The following CATSPERT variants were observed in gnomAD, a reference collection of about 807,000 sequenced individuals.
CATSPERT encodes the protein catsper channel auxiliary subunit tau.
chr2:201,586,809 A>T, the CATSPERT span, among the ~76,000 whole-genome samples: 1 of 151,962 alleles, frequency 6.6e-6, no homozygotes, highest in Non-Finnish European at 1.5e-5. Context: ...GTATTGTTAC[A>T]TTTCTTTAAC....
At chr2:201,613,529 C>G in the CATSPERT span, among the ~76,000 whole-genome samples, 1 of 152,132 alleles carries the variant, frequency 6.6e-6, no homozygotes, top group Non-Finnish European at 1.5e-5. Context: ...GAAAGGACAT[C>G]CACACCAAAA....
chr2:201,575,754 T>C, the CATSPERT span, among the ~76,000 whole-genome samples: 1 of 152,142 alleles, frequency 6.6e-6, no homozygotes, highest in Non-Finnish European at 1.5e-5. Flanking sequence ...TCTGATGAGT[T>C]GTATAATTAT....
chr2:201,536,238 G>A, the CATSPERT span: 2 of 1,613,346 alleles, frequency 1.2e-6, no homozygotes, highest in South Asian at 1.1e-5. Flanking sequence ...ATCATTTTTA[G>A]AAGCATCAGC....
chr2:201,571,029 A>C, the CATSPERT span, among the ~76,000 whole-genome samples: 2 of 152,208 alleles, frequency 1.3e-5, no homozygotes, highest in South Asian at 4.1e-4. Context: ...CATAGTAATT[A>C]TTTTTTATGT....
chr2:201,567,524 C>T, the CATSPERT span, among the ~76,000 whole-genome samples: 1 of 152,118 alleles, frequency 6.6e-6, no homozygotes, highest in East Asian at 1.9e-4. Context: ...GTTCAAAGGC[C>T]TGAGAATCAG....
chr2:201,514,392 T>C, the CATSPERT span, among the ~76,000 whole-genome samples: 2 of 152,162 alleles, frequency 1.3e-5, no homozygotes, highest in Admixed American at 1.3e-4. Context: ...AATAAAAATA[T>C]CTGTGCATTA....
chr2:201,530,671 C>CA, the CATSPERT span, among the ~76,000 whole-genome samples: 10 of 152,116 alleles, frequency 6.6e-5, no homozygotes, highest in Non-Finnish European at 1.3e-4. Context: ...TCACATATAT[C>CA]ACTCTCTGCC....
At chr2:201,503,865 T>C in the CATSPERT span, among the ~76,000 whole-genome samples, 1 of 152,216 alleles carries the variant, frequency 6.6e-6, no homozygotes, top group Non-Finnish European at 1.5e-5. Context: ...GAAGGTTGTC[T>C]AGAGAAACTT....
chr2:201,544,054 T>C, the CATSPERT span, among the ~76,000 whole-genome samples: 23 of 152,160 alleles, frequency 1.5e-4, no homozygotes, highest in Non-Finnish European at 2.6e-4. Flanking sequence ...TTCCCCTTCC[T>C]GTGTCCAAGT....
At chr2:201,584,689 A>G in the CATSPERT span, among the ~76,000 whole-genome samples, 1 of 152,106 alleles carries the variant, frequency 6.6e-6, no homozygotes, top group African/African-American at 2.4e-5. Context: ...AGGCTGAGGC[A>G]GGAGAATCGC....
chr2:201,610,406 C>A, the CATSPERT span, among the ~76,000 whole-genome samples: 2 of 151,142 alleles, frequency 1.3e-5, no homozygotes, highest in African/African-American at 2.4e-5. Context: ...TGCAGTGAGC[C>A]GAGATCATGC....
chr2:201,494,852 A>G, the CATSPERT span: 18 of 1,294,922 alleles, frequency 1.4e-5, no homozygotes, highest in Non-Finnish European at 1.7e-5. Flanking sequence ...CAATCTGTCA[A>G]TGTATCTATT....
the CATSPERT span, among the ~76,000 whole-genome samples, chr2:201,606,397 A>C: frequency 6.6e-6 from 1 of 152,360 alleles, no homozygotes; most frequent in Non-Finnish European, 1.5e-5. Flanking sequence ...TATAAAGTTC[A>C]AGGCAAGGAA....
the CATSPERT span, chr2:201,604,815 G>A: frequency 9.6e-6 from 5 of 522,632 alleles, no homozygotes; most frequent in Non-Finnish European, 1.6e-5. Context: ...CGGTATTGGG[G>A]TATTAATATG....
At chr2:201,603,138 G>T in the CATSPERT span, 1 of 1,274,754 alleles carries the variant, frequency 7.8e-7, no homozygotes, top group Non-Finnish European at 1.1e-6. Flanking sequence ...AAGCCACTAA[G>T]TTTTGGAATG....
At chr2:201,487,990 C>A in the CATSPERT span, 8 of 1,105,898 alleles carry the variant, frequency 7.2e-6, no homozygotes, top group South Asian at 1.7e-5. Flanking sequence ...CATGGATGGT[C>A]AAAAGAAAAA....
the CATSPERT span, among the ~76,000 whole-genome samples, chr2:201,515,202 G>GTTTTTTTTTTTTTTTTTTTTTTTTTT: frequency 3.2e-4 from 8 of 24,672 alleles, 2 homozygotes; most frequent in Admixed American, 2.0e-3. Context: ...TCTGCCCATA[G>GTTTTTTTTTTTTTTTTTTTTTTTTTT]TTTTTTTTTT....
At chr2:201,547,424 C>T in the CATSPERT span, 1 of 783,246 alleles carries the variant, frequency 1.3e-6, no homozygotes, top group Non-Finnish European at 1.9e-6. Context: ...AAAATTTGAT[C>T]ATCACTTTTA....
the CATSPERT span, chr2:201,493,273 G>C: frequency 5.2e-6 from 8 of 1,536,496 alleles, no homozygotes; most frequent in Non-Finnish European, 6.1e-6. Flanking sequence ...ATTTGCTATT[G>C]AATAATAACT....
Sources: allele counts gnomAD v4.1 joint callset (sites outside exome capture counted in the v4.1 genomes callset), GRCh38; gene constraint gnomAD v4.1.1; transcripts MANE v1.5; gene names NCBI Gene and HGNC (gene_info 2026-07-23, HGNC 2026-07-21).